MTCL2: variants seen among roughly 807,000 people sequenced by gnomAD.
MTCL2 encodes microtubule cross-linking factor 2.
the MTCL2 span, among the ~76,000 whole-genome samples, chr20:36,845,860 G>C: frequency 6.6e-6 from 1 of 152,086 alleles, no homozygotes; most frequent in East Asian, 1.9e-4. Flanking sequence ...CTGGGAGGTG[G>C]GGGTGAGGAG....
the MTCL2 span, among the ~76,000 whole-genome samples, chr20:36,860,520 C>T: frequency 6.6e-6 from 1 of 152,274 alleles, no homozygotes; most frequent in South Asian, 2.1e-4. Flanking sequence ...GGAGAAAGAG[C>T]CCAGCCTGCC....
the MTCL2 span, among the ~76,000 whole-genome samples, chr20:36,830,786 T>C: frequency 6.6e-6 from 1 of 152,310 alleles, no homozygotes; most frequent in Admixed American, 6.5e-5. Context: ...ACAGGATAAC[T>C]GAACCAGCTA....
At chr20:36,777,973 T>C in the MTCL2 span, 1 of 552,676 alleles carries the variant, frequency 1.8e-6, no homozygotes, top group Non-Finnish European at 3.2e-6. Context: ...AGAGGCGCTA[T>C]CTGGCCTATG....
the MTCL2 span, among the ~76,000 whole-genome samples, chr20:36,787,459 G>C: frequency 3.2e-4 from 49 of 152,188 alleles, no homozygotes; most frequent in African/African-American, 1.2e-3. Flanking sequence ...CTGACCTCTA[G>C]TGATCTGCCC....
the MTCL2 span, chr20:36,782,960 G>A: frequency 6.6e-6 from 1 of 151,918 alleles, no homozygotes; most frequent in Non-Finnish European, 1.5e-5. Flanking sequence ...GAGGCTAGAA[G>A]CAGGGGACAT....
At chr20:36,828,856 C>T in the MTCL2 span, 1 of 589,162 alleles carries the variant, frequency 1.7e-6, no homozygotes, top group East Asian at 3.2e-5. Flanking sequence ...CCATTGTAAC[C>T]TTAGTGTCCA....
At chr20:36,822,160 C>G in the MTCL2 span, among the ~76,000 whole-genome samples, 64 of 152,272 alleles carry the variant, frequency 4.2e-4, 1 homozygote, top group Admixed American at 4.2e-3. Flanking sequence ...CCTTCCTCCC[C>G]TCTGCACGGC....
the MTCL2 span, among the ~76,000 whole-genome samples, chr20:36,792,241 C>T: frequency 6.6e-6 from 1 of 152,190 alleles, no homozygotes; most frequent in Non-Finnish European, 1.5e-5. Flanking sequence ...GGCGCGGTGG[C>T]TCACGCCTGT....
the MTCL2 span, chr20:36,803,203 G>A: frequency 2.4e-5 from 35 of 1,471,418 alleles, 2 homozygotes; most frequent in South Asian, 3.0e-4. Flanking sequence ...GGGAAAAGGG[G>A]AGAGGTCCCC....
the MTCL2 span, among the ~76,000 whole-genome samples, chr20:36,835,998 A>T: frequency 6.6e-6 from 1 of 151,348 alleles, no homozygotes; most frequent in Non-Finnish European, 1.5e-5. Flanking sequence ...CCTCCACTAT[A>T]TGCCCAAACG....
chr20:36,781,581 C>A, the MTCL2 span: 2 of 151,494 alleles, frequency 1.3e-5, no homozygotes, highest in African/African-American at 4.8e-5. Context: ...GTGGCTGATG[C>A]CTGCCTGTAA....
the MTCL2 span, chr20:36,816,226 C>A: frequency 1.9e-6 from 3 of 1,613,102 alleles, no homozygotes; most frequent in Admixed American, 1.7e-5. Flanking sequence ...TTCTCCTTGG[C>A]AAGCTTAGTG....
the MTCL2 span, chr20:36,859,752 C>T: frequency 4.1e-6 from 5 of 1,231,780 alleles, no homozygotes; most frequent in Non-Finnish European, 5.1e-6. Context: ...CCCACCAGAC[C>T]TGGTGGGACC....
the MTCL2 span, among the ~76,000 whole-genome samples, chr20:36,789,700 C>A: frequency 6.6e-6 from 1 of 151,858 alleles, no homozygotes; most frequent in Admixed American, 6.6e-5. Flanking sequence ...CTAACATGGA[C>A]CCCATCCAGT....
chr20:36,787,529 C>A, the MTCL2 span, among the ~76,000 whole-genome samples: 1 of 152,058 alleles, frequency 6.6e-6, no homozygotes. Context: ...GGCCCCAATT[C>A]ACTTTTTATG....
chr20:36,795,832 A>G, the MTCL2 span, among the ~76,000 whole-genome samples: 1 of 152,136 alleles, frequency 6.6e-6, no homozygotes, highest in Non-Finnish European at 1.5e-5. Flanking sequence ...AGCTAGAGAT[A>G]GCACAGAGTT....
the MTCL2 span, chr20:36,816,319 G>T: frequency 2.6e-6 from 4 of 1,552,704 alleles, no homozygotes; most frequent in Admixed American, 1.9e-5. Flanking sequence ...TGGGACCACA[G>T]AGACAGACAC....
the MTCL2 span, among the ~76,000 whole-genome samples, chr20:36,849,462 T>C: frequency 6.6e-6 from 1 of 152,006 alleles, no homozygotes; most frequent in Non-Finnish European, 1.5e-5. Flanking sequence ...TAAGACAGGG[T>C]CCCTCTGTGT....
At chr20:36,798,159 TC>T in the MTCL2 span, among the ~76,000 whole-genome samples, 12 of 152,138 alleles carry the variant, frequency 7.9e-5, no homozygotes, top group African/African-American at 2.9e-4. Context: ...AAACTCTGCC[TC>T]CCAGGTTCAA....
Sources: gnomAD v4.1 joint callset for allele counts (sites outside exome capture counted in the v4.1 genomes callset) on GRCh38, gnomAD v4.1.1 for gene constraint, MANE v1.5 for transcripts, NCBI Gene and HGNC (gene_info 2026-07-23, HGNC 2026-07-21) for gene names.